The following PARD3 variants were observed in gnomAD, a reference collection of about 807,000 sequenced individuals.
PARD3 encodes partitioning defective 3 homolog.
A neutral mutation model predicts 155.4 loss-of-function variants in PARD3; 75 were observed. That is an observed-to-expected ratio of 0.48 (90% confidence interval 0.40 to 0.58). The LOEUF (loss-of-function observed/expected upper bound fraction) is 0.58, where lower values mean the gene tolerates loss of function less well. Among genes scored for constraint, PARD3 ranks in the 20% least tolerant of loss-of-function variants. The probability of loss-of-function intolerance (pLI) is 0.00; values close to 1 mark genes in which losing one functional copy is unlikely to be tolerated. For missense variants in PARD3, 1,642 were observed against 1,721.7 expected (o/e 0.95, Z 0.82); for synonymous variants, 576 against 610.5 (o/e 0.94, Z 0.83).
intron 5 of PARD3, among the ~76,000 whole-genome samples, chr10:34,420,916 C>G (rs187625639): frequency 1.1e-3 from 166 of 152,326 alleles, no homozygotes; most frequent in Non-Finnish European, 9.0e-4. Context: ...TGACTCATGT[C>G]TGTAATCCCA....
At chr10:34,472,224 AACAT>A (rs1277784261) in intron 3 of PARD3, among the ~76,000 whole-genome samples, 1 of 152,200 alleles carries the variant, frequency 6.6e-6, no homozygotes, top group Admixed American at 6.5e-5. Context: ...TGCTGAGAGA[AACAT>A]AAACATGAGG....
chr10:34,689,228 C>G (rs919047121), intron 2 of PARD3, among the ~76,000 whole-genome samples: 17 of 152,308 alleles, frequency 1.1e-4, no homozygotes, highest in African/African-American at 4.1e-4. Context: ...TGAAAACACT[C>G]CAGAATGATT....
chr10:34,662,955 T>C (rs2093361179), intron 2 of PARD3, among the ~76,000 whole-genome samples: 1 of 151,834 alleles, frequency 6.6e-6, no homozygotes, highest in South Asian at 2.1e-4. Flanking sequence ...TTGCATGTTC[T>C]CACTCATTTG....
Position 34,495,265 on chromosome 10 carries a change from A to T in PARD3, c.403+21714T>A, listed in dbSNP as rs193202227. On this transcript the variant is annotated intron_variant, in intron 3 of 24. Transcript: ENST00000374788. Reference sequence around the variant, plus strand: ...CTGCAGACAAGCAGATCTGCCCATCATTGCTTCTGACACCTGCCAAGTAAG... The same window carrying T: ...CTGCAGACAAGCAGATCTGCCCATCTTTGCTTCTGACACCTGCCAAGTAAG... 2.2e-3 allele frequency among the ~76,000 whole-genome samples: 330 copies of T among 152,148 alleles called. 1 individual carries two copies. Among genetic ancestry groups the T allele is most frequent in the African/African-American group, 7.4e-3 (308 of 41,518 alleles).
intron 2 of PARD3, among the ~76,000 whole-genome samples, chr10:34,666,485 T>C (rs773547645): frequency 3.9e-5 from 6 of 151,986 alleles, no homozygotes; most frequent in Non-Finnish European, 8.8e-5. Flanking sequence ...ACTCGAGGAA[T>C]TGCTCAAGAA....
chr10:34,811,594 T>C (rs1372898772), intron 1 of PARD3, among the ~76,000 whole-genome samples: 1 of 152,222 alleles, frequency 6.6e-6, no homozygotes, highest in Non-Finnish European at 1.5e-5. Flanking sequence ...CCAGAAGCGA[T>C]TACTGACTGT....
intron 5 of PARD3, among the ~76,000 whole-genome samples, chr10:34,415,074 C>T (rs1482614668): frequency 4.6e-5 from 7 of 152,244 alleles, no homozygotes; most frequent in South Asian, 2.1e-4. Flanking sequence ...GGAAGAAGAA[C>T]CACCAACTTC....
At chr10:34,798,931 A>T (rs1035957724) in intron 1 of PARD3, among the ~76,000 whole-genome samples, 6 of 152,196 alleles carry the variant, frequency 3.9e-5, no homozygotes, top group Admixed American at 2.6e-4. Flanking sequence ...CCACCTGAAG[A>T]GCTTCCTGAA....
intron 2 of PARD3, among the ~76,000 whole-genome samples, chr10:34,653,794 CA>C (rs55894819): frequency 0.47 from 61,225 of 130,132 alleles, 14,769 homozygotes; most frequent in Middle Eastern, 0.57. Context: ...ACCTCGACTC[CA>C]AAAAAAAAAA....
intron 2 of PARD3, among the ~76,000 whole-genome samples, chr10:34,581,326 C>A (rs2087462025): frequency 6.7e-6 from 1 of 149,552 alleles, no homozygotes; most frequent in Non-Finnish European, 1.5e-5. Context: ...CCTCCACCCT[C>A]CAGGTTCAAA....
intron 20 of PARD3, among the ~76,000 whole-genome samples, chr10:34,299,392 T>C (rs1196392641): frequency 6.6e-6 from 1 of 152,256 alleles, no homozygotes; most frequent in Non-Finnish European, 1.5e-5. Flanking sequence ...GATGGCTTCA[T>C]GCACTTTCTA....
intron 1 of PARD3, among the ~76,000 whole-genome samples, chr10:34,811,682 CT>C (rs374581405): frequency 2.0e-5 from 3 of 152,082 alleles, no homozygotes; most frequent in African/African-American, 7.2e-5. Context: ...CTAGATTATA[CT>C]TTTTTTTGAA....
At chr10:34,148,695 C>T (rs2244099) in intron 22 of PARD3, among the ~76,000 whole-genome samples, 72,303 of 151,876 alleles carry the variant, frequency 0.48, 18,952 homozygotes, top group Non-Finnish European at 0.6. Context: ...TAAATTTATA[C>T]GATACTTAAT....
At chr10:34,128,744 T>A (rs1246375550) in intron 23 of PARD3, among the ~76,000 whole-genome samples, 5 of 152,170 alleles carry the variant, frequency 3.3e-5, no homozygotes, top group Non-Finnish European at 5.9e-5. Flanking sequence ...CATTTATAGG[T>A]TTCTTGCTTT....
intron 2 of PARD3, among the ~76,000 whole-genome samples, chr10:34,519,830 CATA>C (rs1297693151): frequency 7.8e-6 from 1 of 127,710 alleles, no homozygotes; most frequent in African/African-American, 2.9e-5. Context: ...AATAACATAA[CATA>C]ACATAACATA....
intron 14 of PARD3, 128 bp downstream of exon 14, chr10:34,359,019 C>T (rs1839183312): frequency 3.1e-6 from 2 of 639,848 alleles, no homozygotes; most frequent in African/African-American, 3.7e-5. Flanking sequence ...AATAAAACTA[C>T]AATAAGCAAA....
intron 2 of PARD3, among the ~76,000 whole-genome samples, chr10:34,676,398 A>G (rs1192496253): frequency 6.6e-6 from 1 of 152,194 alleles, no homozygotes; most frequent in Admixed American, 6.5e-5. Flanking sequence ...TCCTTCCCAC[A>G]ATAAACAAAT....
chr10:34,484,530 TTTGTTG>T (rs373521620), intron 3 of PARD3, among the ~76,000 whole-genome samples: 2 of 152,198 alleles, frequency 1.3e-5, no homozygotes, highest in South Asian at 4.2e-4. Flanking sequence ...GTTGTTGTTG[TTTGTTG>T]TTGTTGTTGT....
chr10:34,510,445 G>A (rs556405937), intron 3 of PARD3, among the ~76,000 whole-genome samples: 125 of 152,046 alleles, frequency 8.2e-4, no homozygotes, highest in Middle Eastern at 3.4e-3. Context: ...AAAGCAAAAC[G>A]TTACATATTT....
Sources: gnomAD v4.1 joint callset for allele counts (sites outside exome capture counted in the v4.1 genomes callset) on GRCh38, gnomAD v4.1.1 for gene constraint, MANE v1.5 for transcripts, NCBI Gene and HGNC (gene_info 2026-07-23, HGNC 2026-07-21) for gene names.